The following TBC1D4 variants were observed in gnomAD, a reference collection of about 807,000 sequenced individuals.
The protein encoded by TBC1D4 is TBC (Tre-2, BUB2, CDC16) domain-containing protein.
TBC1D4 carries 121 observed loss-of-function variants against 142.5 expected under a neutral mutation model. The observed-to-expected ratio is 0.85, with a 90% confidence interval of 0.73 to 0.99. TBC1D4 has a LOEUF of 0.99. Ranked by LOEUF, TBC1D4 falls within the 50% of genes least tolerant of loss-of-function variation. The probability of loss-of-function intolerance (pLI) is 0.00; values close to 1 mark genes in which losing one functional copy is unlikely to be tolerated. For missense variants in TBC1D4, 1,475 were observed against 1,606.6 expected (o/e 0.92, Z 1.40); for synonymous variants, 630 against 628.2 (o/e 1.00, Z -0.04).
At chr13:75,404,452 C>T (rs368151504) in intron 1 of TBC1D4, among the ~76,000 whole-genome samples, 71 of 152,274 alleles carry the variant, frequency 4.7e-4, no homozygotes, top group African/African-American at 1.7e-3. Flanking sequence ...TTGGCTGTGA[C>T]AGTTTCTCAG....
intron 1 of TBC1D4, among the ~76,000 whole-genome samples, chr13:75,430,022 T>C (rs1212674534): frequency 6.6e-6 from 1 of 152,208 alleles, no homozygotes; most frequent in Admixed American, 6.5e-5. Flanking sequence ...TAAAGGTATT[T>C]CACTCTAAAT....
intron 1 of TBC1D4, among the ~76,000 whole-genome samples, chr13:75,383,289 C>T (rs1237492591): frequency 6.6e-6 from 1 of 152,196 alleles, no homozygotes; most frequent in African/African-American, 2.4e-5. Flanking sequence ...CGCCACTACA[C>T]TCCAGTCTGG....
At chr13:75,343,727 G>A (rs1880913830) in intron 5 of TBC1D4, among the ~76,000 whole-genome samples, 2 of 152,170 alleles carry the variant, frequency 1.3e-5, no homozygotes, top group Non-Finnish European at 2.9e-5. Context: ...CGTTGGTCAG[G>A]CTGGGCTCCA....
At chr13:75,353,220 C>T (rs1881760674) in intron 4 of TBC1D4, among the ~76,000 whole-genome samples, 1 of 152,074 alleles carries the variant, frequency 6.6e-6, no homozygotes, top group South Asian at 2.1e-4. Flanking sequence ...TCCCTGTTTC[C>T]AAAACTCATT....
intron 1 of TBC1D4, among the ~76,000 whole-genome samples, chr13:75,436,466 G>A (rs1324818687): frequency 2.0e-5 from 3 of 151,982 alleles, no homozygotes; most frequent in Non-Finnish European, 2.9e-5. Context: ...GACTAACCTG[G>A]ACAACATGGT....
chr13:75,335,749 C>T (rs1012489951), intron 8 of TBC1D4, among the ~76,000 whole-genome samples: 2 of 152,150 alleles, frequency 1.3e-5, no homozygotes, highest in African/African-American at 4.8e-5. Flanking sequence ...GTCTCACTCC[C>T]CCTTTGCCTT....
chr13:75,407,377 G>C (rs557581896), intron 1 of TBC1D4, among the ~76,000 whole-genome samples: 1 of 152,066 alleles, frequency 6.6e-6, no homozygotes, highest in Non-Finnish European at 1.5e-5. Flanking sequence ...TCAAACAGCC[G>C]GAAAGATTAC....
At chr13:75,334,414 T>C (rs1024728000) in intron 8 of TBC1D4, among the ~76,000 whole-genome samples, 4 of 152,086 alleles carry the variant, frequency 2.6e-5, no homozygotes, top group Admixed American at 2.0e-4. Flanking sequence ...TATATACTTA[T>C]GTTTACATTT....
chr13:75,362,274 G>C lies in TBC1D4; in HGVS notation c.832C>G (p.Leu278Val). ...TGGCTGGCCCCGGCAGGTAAGCCAA[G>C]GTGGGTGTCGGTGCCGTCAGCCTCC... ...PEEADGTDTH[L>V]GLPAGASQPA... Residue 278 changes from leucine to valine, a missense_variant, in exon 2 of 21, where the codon CTT (leucine) becomes GTT (valine). Around this residue, in one of 2 missense-constraint regions of TBC1D4, gnomAD observed 1,227 missense variants for 1,267.7 expected, o/e 0.97. Coordinates refer to ENST00000377636, the MANE Select transcript of TBC1D4 (RefSeq NM_014832.5). The surrounding 1 kb of genome is among the most constrained non-coding windows in gnomAD (Gnocchi z 4.2). 6.2e-7 allele frequency: 1 copy of C among 1,613,822 alleles called. No individual in the cohort carries two copies. Among genetic ancestry groups the C allele is most frequent in the Non-Finnish European group, 8.5e-7 (1 of 1,179,978 alleles).
intron 1 of TBC1D4, among the ~76,000 whole-genome samples, chr13:75,419,238 C>G (rs1886057841): frequency 6.6e-6 from 1 of 152,200 alleles, no homozygotes; most frequent in Non-Finnish European, 1.5e-5. Context: ...TGGTCAAGCT[C>G]TGTTGCAATC....
rs7329367 is a variant in TBC1D4, at chr13:75,323,982, C to A, written c.2198+255G>T. Among the ~76,000 whole-genome samples the A allele has an allele frequency of 0.79, 119,738 of 152,004 alleles. 48,504 individuals are homozygous for A. The highest frequency in any genetic ancestry group is 0.95 in the South Asian group (4,582 of 4,826). ...GCTTAGACTCTGGAGTTTGAGAAAA[C>A]GAAACACACAAACAATACAAAAAGC... On this transcript the variant is annotated intron_variant, in intron 11 of 20. Coordinates refer to ENST00000377636, the MANE Select transcript of TBC1D4 (RefSeq NM_014832.5).
intron 1 of TBC1D4, among the ~76,000 whole-genome samples, chr13:75,390,235 G>A (rs552097044): frequency 4.3e-5 from 6 of 140,162 alleles, no homozygotes; most frequent in South Asian, 2.4e-4. Flanking sequence ...AGCCAAGATC[G>A]CGCCACTGCA....
chr13:75,415,824 C>T (rs1885894359), intron 1 of TBC1D4, among the ~76,000 whole-genome samples: 1 of 152,134 alleles, frequency 6.6e-6, no homozygotes, highest in Non-Finnish European at 1.5e-5. Flanking sequence ...ATGATCTTAA[C>T]TGTTAAATTC....
chr13:75,378,408 T>C, intron 1 of TBC1D4, among the ~76,000 whole-genome samples: 1 of 152,120 alleles, frequency 6.6e-6, no homozygotes, highest in East Asian at 1.9e-4. Flanking sequence ...CAAAGATCAC[T>C]GAACTAATTA....
intron 13 of TBC1D4, 135 bp downstream of exon 13, chr13:75,312,603 G>T: frequency 8.4e-7 from 1 of 1,187,526 alleles, no homozygotes; most frequent in Non-Finnish European, 1.2e-6. Flanking sequence ...ACCTGAAAGA[G>T]AAACCACTGT....
At chr13:75,297,559 A>T (rs1315057146) in intron 17 of TBC1D4, among the ~76,000 whole-genome samples, 1 of 152,062 alleles carries the variant, frequency 6.6e-6, no homozygotes, top group Non-Finnish European at 1.5e-5. Flanking sequence ...GTTTGAGACC[A>T]GCCTGCCCAA....
chr13:75,481,226 C>G (rs752446072), intron 1 of TBC1D4, 44 bp downstream of exon 1: 9 of 1,586,396 alleles, frequency 5.7e-6, no homozygotes, highest in Middle Eastern at 1.9e-4. Flanking sequence ...TCCCCGATCC[C>G]CCAAGGCCGA....
intron 1 of TBC1D4, among the ~76,000 whole-genome samples, chr13:75,431,703 C>T (rs1017075793): frequency 8.5e-5 from 13 of 152,250 alleles, no homozygotes; most frequent in Admixed American, 2.6e-4. Context: ...TAACTATTTG[C>T]ATGGAATTCA....
chr13:75,451,695 A>G lies in TBC1D4; in HGVS notation c.498+29575T>C, dbSNP rs540932127. Among the ~76,000 whole-genome samples, 8 of 149,512 alleles carry G rather than the reference A, an allele frequency of 5.4e-5. No individual in the cohort carries two copies. In the East Asian group the frequency reaches 1.6e-3, roughly 29 times the overall value. On this transcript the variant is annotated intron_variant, in intron 1 of 20. Transcript: ENST00000377636. ...TTCCTATCTCAAAAAAAAACTCCAA[A>G]AGCTTTTCTATGTATATTTATATGT...
Sources: gnomAD v4.1 joint callset for allele counts (sites outside exome capture counted in the v4.1 genomes callset) on GRCh38, gnomAD v4.1.1 for gene constraint, gnomAD v4.1.1 regional missense constraint, Gnocchi (gnomAD v3.1) non-coding constraint, MANE v1.5 for transcripts, NCBI Gene and HGNC (gene_info 2026-07-23, HGNC 2026-07-21) for gene names.